Variants in MAFF observed in about 807,000 individuals in gnomAD.
MAFF encodes the protein transcription factor MafF.
A neutral mutation model predicts 2.7 loss-of-function variants in MAFF; 4 were observed. That is an observed-to-expected ratio of 1.48 (90% CI 0.73 to 3.39). MAFF has a LOEUF of 3.39. Ranked by LOEUF, MAFF falls within the 30% of genes most tolerant of loss-of-function variation. MAFF has a pLI of 0.01. For missense variants in MAFF, 190 were observed against 246.6 expected, an observed-to-expected ratio of 0.77 and a Z score of 1.54; for synonymous variants, 113 against 119.4, an observed-to-expected ratio of 0.95 and a Z score of 0.35.
intron 1 of MAFF, among the ~76,000 whole-genome samples, chr22:38,207,547 C>T (rs1197527643): frequency 1.4e-5 from 2 of 146,360 alleles, no homozygotes; most frequent in Non-Finnish European, 3.0e-5. Context: ...TCACGCCATT[C>T]TCCTGCCTCA....
At chr22:38,203,839 T>G (rs1602329712) in intron 1 of MAFF, 1 of 152,304 alleles carries the variant, frequency 6.6e-6, no homozygotes, top group South Asian at 2.1e-4. Context: ...AGGGGGAAGC[T>G]CTGGAAGTCT....
Position 38,214,755 on chromosome 22 carries a change from C to G in MAFF, c.372C>G (p.Ala124=). The change falls in exon 3 of 3, where the codon GCC becomes GCG. Residue 124 remains alanine, a synonymous_variant. Coordinates refer to ENST00000338483, the MANE Select transcript of MAFF (RefSeq NM_012323.4). The surrounding 1 kb of genome is among the most constrained non-coding windows in gnomAD (Gnocchi z 6.3). Reference sequence around the variant, plus strand: ...GCTTCGCGCGCTCCGTGGCCGCCGCCCGCGGGCCCGCCACGCTCGTGGCGC... The same window carrying G: ...GCTTCGCGCGCTCCGTGGCCGCCGCGCGCGGGCCCGCCACGCTCGTGGCGC... The part of the protein sequence containing the change: ...LQGFARSVAA[A]RGPATLVAPA... The G allele has an allele frequency of 7.1e-7, 1 of 1,407,720 alleles. No homozygotes were observed. Among genetic ancestry groups the G allele is most frequent in the Non-Finnish European group, 9.2e-7 (1 of 1,089,682 alleles). 87.2% of individuals were successfully genotyped at this position (1,407,720 alleles called of 1,614,324 possible). A position where few individuals can be genotyped will look rare whatever the true frequency, so the allele number is the denominator to read the frequency against.
At chr22:38,213,939 T>G (rs748759979) in intron 2 of MAFF, 50 bp downstream of exon 2, 2 of 1,598,290 alleles carry the variant, frequency 1.3e-6, no homozygotes, top group East Asian at 2.2e-5. Context: ...TCCCTGCCCA[T>G]GCAGAGCCTC....
chr22:38,205,828 G>A (rs1421845799), intron 1 of MAFF: 1 of 152,282 alleles, frequency 6.6e-6, no homozygotes, highest in South Asian at 2.1e-4. Flanking sequence ...GCCTGGCAAA[G>A]GCAGAGGACC....
At chr22:38,206,137 A>C (rs977387026) in intron 1 of MAFF, among the ~76,000 whole-genome samples, 1 of 152,140 alleles carries the variant, frequency 6.6e-6, no homozygotes, top group Non-Finnish European at 1.5e-5. Context: ...TGATGGTTCC[A>C]TCTCTCAGGC....
intron 1 of MAFF, among the ~76,000 whole-genome samples, chr22:38,208,999 G>C (rs994341555): frequency 6.6e-6 from 1 of 151,780 alleles, no homozygotes; most frequent in Non-Finnish European, 1.5e-5. Context: ...TGCTGGGAGG[G>C]TGGGTCTGGA....
chr22:38,214,884 GC>G lies in MAFF; in HGVS notation c.*11del, dbSNP rs1569000733. 5 of 1,478,502 alleles carry G rather than the reference GC, an allele frequency of 3.4e-6. No individual in the cohort carries two copies. Among genetic ancestry groups the G allele is most frequent in the Admixed American group, 2.3e-5 (1 of 43,474 alleles). 91.6% of individuals were successfully genotyped at this position (1,478,502 alleles called of 1,614,324 possible). ...GCCCGGCCTCCTGCTCCTAGTGCCCGCCCCCGCCATGCCTCAGCCACGCCCC... is the reference window on the plus strand; with the variant it reads ...GCCCGGCCTCCTGCTCCTAGTGCCCGCCCCGCCATGCCTCAGCCACGCCCC... On this transcript the variant is annotated 3_prime_UTR_variant, in exon 3 of 3. Coordinates refer to ENST00000338483, the MANE Select transcript of MAFF (RefSeq NM_012323.4). The surrounding 1 kb of genome is among the most constrained non-coding windows in gnomAD (Gnocchi z 6.3).
At chr22:38,210,817 T>C (rs1249409161) in intron 1 of MAFF, among the ~76,000 whole-genome samples, 1 of 151,966 alleles carries the variant, frequency 6.6e-6, no homozygotes, top group Non-Finnish European at 1.5e-5. Context: ...CCCAACACTT[T>C]GGGAGGCGGA....
intron 1 of MAFF, among the ~76,000 whole-genome samples, chr22:38,210,523 C>CG (rs1165308789): frequency 6.6e-6 from 1 of 151,882 alleles, no homozygotes; most frequent in South Asian, 2.1e-4. Context: ...GCATTCTAAT[C>CG]GGGGGGTTGG....
Position 38,214,432 on chromosome 22 carries a change from C to G in MAFF, c.49C>G (p.Leu17Val). The change falls in exon 3 of 3, where the codon CTG (leucine) becomes GTG (valine). Residue 17 changes from leucine (L) to valine (V), a missense_variant. Physicochemically the swap from Leu to Val is conservative, Grantham distance 32. Around this residue, in one of 2 missense-constraint regions of MAFF, gnomAD observed 87 missense variants for 143.6 expected, o/e 0.61. Transcript: ENST00000338483. This position sits in a 1 kb window ranked among gnomAD's most constrained non-coding sequence, Gnocchi z 6.3. ...SSKALKIKRELSENTPHLSDE... is the reference protein window; with the variant it reads ...SSKALKIKREVSENTPHLSDE... ...CTCATGCCCGCAGATCAAGCGAGAG[C>G]TGAGCGAGAACACGCCGCACCTGTC... is the stretch of plus-strand genomic sequence containing the variant. The G allele has an allele frequency of 1.2e-6, 2 of 1,600,776 alleles. No individual in the cohort carries two copies. Among genetic ancestry groups the G allele is most frequent in the Non-Finnish European group, 1.7e-6 (2 of 1,173,622 alleles).
At chr22:38,209,134 C>G (rs1280942192) in intron 1 of MAFF, among the ~76,000 whole-genome samples, 1 of 151,946 alleles carries the variant, frequency 6.6e-6, no homozygotes, top group Admixed American at 6.6e-5. Context: ...GTCGCGATCT[C>G]GGCTCACTGC....
intron 1 of MAFF, chr22:38,203,601 G>T (rs149021321): frequency 3.9e-4 from 60 of 152,402 alleles, no homozygotes; most frequent in African/African-American, 1.4e-3. Flanking sequence ...TGGGCTGGGG[G>T]CTAGAGATTC....
downstream of MAFF, chr22:38,216,511 ATG>A (rs1569001634): frequency 6.0e-6 from 1 of 166,616 alleles, no homozygotes; most frequent in East Asian, 1.9e-4. Flanking sequence ...CAGAGAATAA[ATG>A]TGTATCCTGG....
chr22:38,212,874 C>G (rs1039217667), intron 1 of MAFF, among the ~76,000 whole-genome samples: 4 of 151,936 alleles, frequency 2.6e-5, no homozygotes, highest in African/African-American at 9.7e-5. Context: ...AAGAAAAGTT[C>G]TGAAAAATTG....
At position 38,215,770 on chromosome 22, in the gene MAFF, C is replaced by G. The variant is rs1189599912; in HGVS notation, c.*892C>G. Reference sequence around the variant, plus strand: ...ACAGACCCTGCAGTCCTACTACAGTCTGGAGTGGGGTCCTAAGAAGAAGGG... The same window carrying G: ...ACAGACCCTGCAGTCCTACTACAGTGTGGAGTGGGGTCCTAAGAAGAAGGG... On this transcript the variant is annotated 3_prime_UTR_variant, in exon 3 of 3. Coordinates refer to ENST00000338483, the MANE Select transcript of MAFF (RefSeq NM_012323.4). 6.0e-6 allele frequency: 1 copy of G among 167,136 alleles called. No homozygotes were observed. Among genetic ancestry groups the G allele is most frequent in the East Asian group, 1.9e-4 (1 of 5,206 alleles). 10.4% of individuals were successfully genotyped at this position (167,136 alleles called of 1,614,324 possible).
rs71195092 is a variant in MAFF, at chr22:38,207,423, C to CTTTT, written c.-32+5243_-32+5246dup. ...GGCATGAGCCACCTTGCTTGGCCATCTTTTTTTTTTTTTTTTTTTTTTTTT... is the reference window on the plus strand; with the variant it reads ...GGCATGAGCCACCTTGCTTGGCCATCTTTTTTTTTTTTTTTTTTTTTTTTTTTTT... On this transcript the variant is annotated intron_variant, in intron 1 of 2. Transcript: ENST00000338483. Among the ~76,000 whole-genome samples the CTTTT allele has an allele frequency of 1.0e-3, 81 of 78,346 alleles. 2 individuals carry two copies. Among genetic ancestry groups the CTTTT allele is most frequent in the Non-Finnish European group, 1.3e-3 (56 of 42,654 alleles). 51.4% of individuals were successfully genotyped at this position (78,346 alleles called of 152,430 possible). A position where few individuals can be genotyped will look rare whatever the true frequency, so the allele number is the denominator to read the frequency against.
Position 38,214,708 on chromosome 22 carries a change from G to T in MAFF, c.325G>T (p.Gly109Cys). ...AMRLELDALR[G>C]KCEALQGFAR... is the part of the protein sequence containing the mutation. ...GCGCCTGGAGCTCGACGCGCTGCGC[G>T]GCAAGTGCGAGGCGCTGCAGGGCTT... The change falls in exon 3 of 3, where the codon GGC (glycine) becomes TGC (cysteine). Residue 109 changes from glycine to cysteine, a missense_variant. Transcript: ENST00000338483. The surrounding 1 kb of genome is among the most constrained non-coding windows in gnomAD (Gnocchi z 6.3). 2 of 1,537,586 alleles carry T rather than the reference G, an allele frequency of 1.3e-6. No individual in the cohort carries two copies. The highest frequency in any genetic ancestry group is 1.2e-5 in the South Asian group (1 of 83,518).
intron 1 of MAFF, 125 bp from the exon 2 acceptor site, chr22:38,213,698 A>G: frequency 1.4e-6 from 1 of 740,608 alleles, no homozygotes; most frequent in Admixed American, 2.0e-5. Flanking sequence ...GGAGAGAGGA[A>G]GGTGGCAGGT....
intron 1 of MAFF, among the ~76,000 whole-genome samples, chr22:38,207,601 G>A (rs1017292191): frequency 6.7e-5 from 10 of 150,158 alleles, no homozygotes; most frequent in Non-Finnish European, 1.3e-4. Context: ...CACCACACCC[G>A]GCTAATTTTT....
Sources: allele counts gnomAD v4.1 joint callset (sites outside exome capture counted in the v4.1 genomes callset), GRCh38; gene constraint gnomAD v4.1.1; regional missense constraint gnomAD v4.1.1; non-coding constraint Gnocchi (gnomAD v3.1); transcripts MANE v1.5; gene names NCBI Gene and HGNC (gene_info 2026-07-23, HGNC 2026-07-21).